MAD1L1: variants seen among roughly 807,000 people sequenced by gnomAD.
MAD1L1 encodes mitotic spindle assembly checkpoint protein MAD1.
In MAD1L1, 95 loss-of-function variants were observed where a neutral mutation model predicts 96.9. The ratio of observed to expected loss-of-function variants is 0.98; its 90% CI spans 0.83 to 1.16. MAD1L1 has a LOEUF of 1.16. Ranked by LOEUF, MAD1L1 falls within the 50% of genes most tolerant of loss-of-function variation. MAD1L1 has a pLI of 0.00. For missense variants in MAD1L1, 1,007 were observed against 954.4 expected (o/e 1.06, Z -0.73); for synonymous variants, 473 against 396.6 (o/e 1.19, Z -2.29).
intron 13 of MAD1L1, 44 bp from the exon 14 acceptor site, chr7:2,002,165 G>C: frequency 6.3e-7 from 1 of 1,593,842 alleles, no homozygotes; most frequent in Non-Finnish European, 8.6e-7. Context: ...TGGTGGGCCA[G>C]GCCCCATTTC....
intron 11 of MAD1L1, among the ~76,000 whole-genome samples, chr7:2,110,673 G>T (rs952747691): frequency 1.3e-5 from 2 of 152,154 alleles, no homozygotes; most frequent in Non-Finnish European, 1.5e-5. Flanking sequence ...TTTTCTTGCT[G>T]AAGAGCCATC....
chr7:1,933,822 C>T (rs543015430), intron 17 of MAD1L1, among the ~76,000 whole-genome samples: 21 of 152,296 alleles, frequency 1.4e-4, no homozygotes, highest in Middle Eastern at 6.8e-3. Context: ...GCAATCAAGC[C>T]TCCAGATCCA....
chr7:2,161,317 A>G (rs939375988), intron 10 of MAD1L1, among the ~76,000 whole-genome samples: 3 of 151,986 alleles, frequency 2.0e-5, no homozygotes, highest in African/African-American at 7.2e-5. Flanking sequence ...TGTGCTGGCC[A>G]GGCTGGTCTC....
chr7:1,962,331 T>C (rs753683027), intron 15 of MAD1L1, among the ~76,000 whole-genome samples: 6 of 152,252 alleles, frequency 3.9e-5, no homozygotes, highest in African/African-American at 1.2e-4. Flanking sequence ...TCCCCAGCCA[T>C]GTAGAACTGT....
chr7:1,893,023 G>C (rs2128438985), intron 18 of MAD1L1, among the ~76,000 whole-genome samples: 1 of 152,348 alleles, frequency 6.6e-6, no homozygotes, highest in East Asian at 1.9e-4. Flanking sequence ...GTGCAGCCGG[G>C]ATGGAGAGAC....
intron 18 of MAD1L1, among the ~76,000 whole-genome samples, chr7:1,821,220 G>A (rs570863179): frequency 6.6e-6 from 1 of 152,052 alleles, no homozygotes; most frequent in Admixed American, 6.5e-5. Flanking sequence ...AAACTGGATG[G>A]ATTCCTCGAA....
intron 17 of MAD1L1, among the ~76,000 whole-genome samples, chr7:1,904,494 G>A (rs1410291482): frequency 1.3e-4 from 18 of 134,346 alleles, no homozygotes; most frequent in Admixed American, 3.5e-4. Context: ...AGGACGCAGT[G>A]GCCTATGGAA....
chr7:1,936,455 C>T (rs1778609304), intron 17 of MAD1L1, among the ~76,000 whole-genome samples: 1 of 152,248 alleles, frequency 6.6e-6, no homozygotes, highest in African/African-American at 2.4e-5. Context: ...TGCTTCTCCA[C>T]AGCTGCCTGC....
intron 15 of MAD1L1, among the ~76,000 whole-genome samples, chr7:1,967,841 C>T (rs1388681468): frequency 6.7e-6 from 1 of 148,494 alleles, no homozygotes; most frequent in Non-Finnish European, 1.5e-5. Flanking sequence ...AAACACCCTC[C>T]AGTCCACACT....
chr7:1,939,722 G>A (rs1028004527), intron 16 of MAD1L1, among the ~76,000 whole-genome samples: 1 of 152,230 alleles, frequency 6.6e-6, no homozygotes, highest in African/African-American at 2.4e-5. Flanking sequence ...CTCAGGAGAG[G>A]CCGGTGTGGA....
intron 11 of MAD1L1, among the ~76,000 whole-genome samples, chr7:2,122,758 T>C (rs940801488): frequency 6.6e-6 from 1 of 152,196 alleles, no homozygotes; most frequent in Non-Finnish European, 1.5e-5. Context: ...CTGCCACCTG[T>C]GCAGGTGCAC....
intron 18 of MAD1L1, among the ~76,000 whole-genome samples, chr7:1,856,820 G>A (rs1167041085): frequency 1.3e-5 from 2 of 152,138 alleles, no homozygotes; most frequent in African/African-American, 4.8e-5. Context: ...ACAACGGCTG[G>A]AGGGACTCCT....
intron 17 of MAD1L1, among the ~76,000 whole-genome samples, chr7:1,912,201 C>T (rs1788061617): frequency 1.3e-5 from 2 of 152,198 alleles, no homozygotes; most frequent in Non-Finnish European, 2.9e-5. Flanking sequence ...CAGCCAGCTC[C>T]GTGTGTGTCA....
At chr7:1,947,331 C>T (rs142477022) in intron 16 of MAD1L1, among the ~76,000 whole-genome samples, 3 of 152,354 alleles carry the variant, frequency 2.0e-5, no homozygotes, top group Non-Finnish European at 2.9e-5. Flanking sequence ...ACGCGCATGC[C>T]GAGAGCAGAG....
chr7:2,213,969 T>C (rs1381971491), intron 9 of MAD1L1, among the ~76,000 whole-genome samples: 2 of 152,246 alleles, frequency 1.3e-5, no homozygotes, highest in Non-Finnish European at 2.9e-5. Context: ...CATGCTGTTA[T>C]CAACGCTCCA....
intron 12 of MAD1L1, among the ~76,000 whole-genome samples, chr7:2,062,433 G>A (rs539126801): frequency 2.0e-5 from 3 of 151,852 alleles, no homozygotes; most frequent in South Asian, 2.1e-4. Context: ...AAATTAGCCC[G>A]GTGTGGTGAC....
intron 13 of MAD1L1, among the ~76,000 whole-genome samples, chr7:2,011,823 A>T (rs1042890387): frequency 2.9e-5 from 4 of 138,928 alleles, no homozygotes; most frequent in Non-Finnish European, 3.0e-5. Flanking sequence ...CTCCATCAAC[A>T]CAGACAGGCC....
At chr7:2,213,299 C>T in intron 9 of MAD1L1, 26 bp from the exon 10 acceptor site, 8 of 1,599,588 alleles carry the variant, frequency 5.0e-6, no homozygotes, top group Non-Finnish European at 8.6e-7. Context: ...AAGCACAGAC[C>T]CTGTCATCAC....
At chr7:1,895,313 G>A (rs546353978) in intron 18 of MAD1L1, among the ~76,000 whole-genome samples, 1 of 152,188 alleles carries the variant, frequency 6.6e-6, no homozygotes, top group Non-Finnish European at 1.5e-5. Context: ...TGGGTCAGAC[G>A]TAACTGTACC....
Sources: allele counts gnomAD v4.1 joint callset (sites outside exome capture counted in the v4.1 genomes callset), GRCh38; gene constraint gnomAD v4.1.1; transcripts MANE v1.5; gene names NCBI Gene and HGNC (gene_info 2026-07-23, HGNC 2026-07-21).